The following DNAH3 variants were observed in gnomAD, a reference collection of about 807,000 sequenced individuals.
The protein encoded by DNAH3 is dynein axonemal heavy chain 3.
DNAH3 carries 332 observed loss-of-function variants against 432.5 expected under a neutral mutation model. The ratio of observed to expected loss-of-function variants is 0.77; its 90% CI spans 0.70 to 0.84. The LOEUF (loss-of-function observed/expected upper bound fraction) is 0.84. Among genes scored for constraint, DNAH3 ranks in the 40% least tolerant of loss-of-function variants. The probability of loss-of-function intolerance (pLI) is 0.00; values close to 1 mark genes in which losing one functional copy is unlikely to be tolerated. For synonymous variants in DNAH3, 1,956 were observed against 1,900.2 expected, an observed-to-expected ratio of 1.03 and a Z score of -0.76; for missense variants, 4,861 against 5,114.0, an observed-to-expected ratio of 0.95 and a Z score of 1.51.
Position 20,936,837 on chromosome 16 carries a change from G to T in DNAH3, c.11671C>A (p.Arg3891=), listed in dbSNP as rs146872274. The T allele has an allele frequency of 3.7e-6, 6 of 1,611,688 alleles. No homozygotes were observed. Among genetic ancestry groups the T allele is most frequent in the Middle Eastern group, 1.8e-4 (1 of 5,692 alleles). Residue 3891 remains arginine (R), a synonymous_variant, in exon 60 of 62, where the codon CGG becomes AGG. Transcript: ENST00000261383. ...CGGCCAAGATTGATGAGGCTCCTCCGAACCACTTTGGTCAGCCTGCAAGAA... is the reference window on the plus strand; with the variant it reads ...CGGCCAAGATTGATGAGGCTCCTCCTAACCACTTTGGTCAGCCTGCAAGAA...
chr16:21,118,468 C>G (rs559607955), intron 11 of DNAH3, among the ~76,000 whole-genome samples: 1 of 152,140 alleles, frequency 6.6e-6, no homozygotes, highest in Non-Finnish European at 1.5e-5. Context: ...TGGTCTCACT[C>G]TGTCACCCAG....
At chr16:21,070,233 T>C (rs1176231595) in intron 22 of DNAH3, among the ~76,000 whole-genome samples, 10 of 152,242 alleles carry the variant, frequency 6.6e-5, no homozygotes, top group Non-Finnish European at 1.0e-4. Context: ...GCATGCCATA[T>C]GCTTTCTTGG....
At chr16:21,014,069 T>A (rs1034295440) in intron 41 of DNAH3, among the ~76,000 whole-genome samples, 7 of 152,194 alleles carry the variant, frequency 4.6e-5, no homozygotes, top group Non-Finnish European at 8.8e-5. Flanking sequence ...GAGGACACAC[T>A]TTATAACTCA....
chr16:21,028,981 T>C (rs928358875), intron 37 of DNAH3, among the ~76,000 whole-genome samples: 2 of 152,222 alleles, frequency 1.3e-5, no homozygotes, highest in Non-Finnish European at 2.9e-5. Flanking sequence ...AGATCACAGC[T>C]GTTACAAGGC....
intron 41 of DNAH3, among the ~76,000 whole-genome samples, chr16:21,007,890 G>A (rs1597125695): frequency 6.6e-6 from 1 of 152,144 alleles, no homozygotes; most frequent in Non-Finnish European, 1.5e-5. Context: ...GTGTGAGGCA[G>A]AACTACAAAT....
intron 42 of DNAH3, among the ~76,000 whole-genome samples, chr16:21,002,571 C>T (rs3103816): frequency 0.17 from 25,083 of 151,874 alleles, 2,279 homozygotes; most frequent in African/African-American, 0.23. Context: ...AAGCGATTCT[C>T]CTGCCTCAGC....
chr16:21,159,113 G>C (rs1007135457), intron 1 of DNAH3, among the ~76,000 whole-genome samples: 2 of 151,784 alleles, frequency 1.3e-5, no homozygotes, highest in African/African-American at 4.8e-5. Context: ...AAGACGTCGA[G>C]GCAAACCTCC....
chr16:21,067,352 T>C, exon 24 of DNAH3: 6 of 1,614,086 alleles, frequency 3.7e-6, no homozygotes, highest in Non-Finnish European at 5.1e-6. Flanking sequence ...CAAGAGAAAG[T>C]TGGCTTCTTG....
At chr16:20,945,494 TA>T (rs2084003649) in intron 57 of DNAH3, among the ~76,000 whole-genome samples, 1 of 149,652 alleles carries the variant, frequency 6.7e-6, no homozygotes, top group African/African-American at 2.5e-5. Flanking sequence ...TTTATTCCTT[TA>T]CTTTTTTTTT....
chr16:21,084,529 C>A (rs762481785), intron 19 of DNAH3, among the ~76,000 whole-genome samples: 13 of 152,054 alleles, frequency 8.5e-5, no homozygotes, highest in Non-Finnish European at 1.8e-4. Context: ...AGTGTTGGCC[C>A]GGGCTGGTTC....
intron 59 of DNAH3, among the ~76,000 whole-genome samples, chr16:20,938,886 C>T (rs1409175302): frequency 6.6e-6 from 1 of 152,120 alleles, no homozygotes; most frequent in African/African-American, 2.4e-5. Flanking sequence ...AAGCAATCCT[C>T]CCTCCTCAGT....
chr16:20,978,033 CT>C (rs771665587), intron 50 of DNAH3, among the ~76,000 whole-genome samples: 4 of 152,142 alleles, frequency 2.6e-5, no homozygotes, highest in Non-Finnish European at 4.4e-5. Flanking sequence ...AATCAATGTT[CT>C]TTGGTCTTTA....
At chr16:21,143,037 CA>C (rs1252862785) in intron 3 of DNAH3, among the ~76,000 whole-genome samples, 2 of 152,160 alleles carry the variant, frequency 1.3e-5, no homozygotes, top group Non-Finnish European at 2.9e-5. Flanking sequence ...TCATCTCAAG[CA>C]AGGACATGAA....
intron 52 of DNAH3, 103 bp from the exon 53 acceptor site, chr16:20,965,528 A>C: frequency 1.9e-6 from 2 of 1,048,778 alleles, no homozygotes; most frequent in Non-Finnish European, 2.6e-6. Context: ...CAAAAACAAA[A>C]ACATGGTCTG....
intron 18 of DNAH3, among the ~76,000 whole-genome samples, chr16:21,096,371 A>G (rs774221266): frequency 6.6e-6 from 1 of 151,784 alleles, no homozygotes; most frequent in Non-Finnish European, 1.5e-5. Context: ...GGCTCATGCA[A>G]TCCCCCTGCA....
At position 21,131,504 on chromosome 16, in the gene DNAH3, AGAAG is replaced by A. The variant is rs1243332610; in HGVS notation, c.1082+2751_1082+2754del. 7.3e-3 allele frequency among the ~76,000 whole-genome samples: 1,013 copies of A among 139,240 alleles called. 13 individuals carry two copies. The highest frequency in any genetic ancestry group is 0.022 in the African/African-American group (804 of 35,956). 91.3% of individuals were successfully genotyped at this position (139,240 alleles called of 152,430 possible). A position where few individuals can be genotyped will look rare whatever the true frequency, so the allele number is the denominator to read the frequency against. Reference sequence around the variant, plus strand: ...GAAAGAAAAGAAAGAGAGATGAGAGAGAAGGAAGGAAGGAAGGAAGGAAGGAAAG... The same window carrying A: ...GAAAGAAAAGAAAGAGAGATGAGAGAGAAGGAAGGAAGGAAGGAAGGAAAG... On this transcript the variant is annotated intron_variant, in intron 7 of 61. Transcript: ENST00000261383.
chr16:21,048,734 C>G (rs1428626928), intron 31 of DNAH3, among the ~76,000 whole-genome samples: 1 of 151,766 alleles, frequency 6.6e-6, no homozygotes. Flanking sequence ...GAGTTTCACT[C>G]CCAGCCTGGA....
chr16:21,006,448 T>C (rs866067233), intron 41 of DNAH3, among the ~76,000 whole-genome samples: 1 of 152,208 alleles, frequency 6.6e-6, no homozygotes, highest in Non-Finnish European at 1.5e-5. Flanking sequence ...TGTAAATATA[T>C]TAATATTCAC....
exon 11 of DNAH3, chr16:21,120,841 G>A (rs1208883468): frequency 1.2e-6 from 2 of 1,613,728 alleles, no homozygotes; most frequent in East Asian, 2.2e-5. Context: ...GAACTTAAGT[G>A]GTATGTATTT....
Sources: allele counts gnomAD v4.1 joint callset (sites outside exome capture counted in the v4.1 genomes callset), GRCh38; gene constraint gnomAD v4.1.1; transcripts MANE v1.5; gene names NCBI Gene and HGNC (gene_info 2026-07-23, HGNC 2026-07-21).